Variants in SETD1B observed in about 807,000 individuals in gnomAD.
The protein encoded by SETD1B is SET domain containing 1B, histone lysine methyltransferase.
SETD1B carries 7 observed loss-of-function variants against 148.0 expected under a neutral mutation model. That is an observed-to-expected ratio of 0.05 (90% CI 0.03 to 0.09). The LOEUF is 0.09. Among genes scored for constraint, SETD1B ranks in the 10% least tolerant of loss-of-function variants. The pLI is 1.00. For missense variants in SETD1B, 2,155 were observed against 2,729.9 expected (o/e 0.79, Z 4.69); for synonymous variants, 1,361 against 1,186.5 (o/e 1.15, Z -3.02).
At chr12:121,823,893 G>T (rs1876710760) in intron 12 of SETD1B, 144 bp downstream of exon 12, 45 of 1,249,434 alleles carry the variant, frequency 3.6e-5, no homozygotes, top group Non-Finnish European at 4.8e-5. Context: ...CCCAAGCAGG[G>T]TTTGTGTCCC....
At chr12:121,827,433 CTG>C (rs1262905709) in intron 13 of SETD1B, 84 bp from the exon 14 acceptor site, 4 of 1,437,826 alleles carry the variant, frequency 2.8e-6, no homozygotes, top group Non-Finnish European at 1.8e-6. Context: ...GCCCAGGACA[CTG>C]GGGATGACAG....
At chr12:121,799,621 C>A (rs1875196430), upstream of SETD1B, 1 of 151,768 alleles carries the variant, frequency 6.6e-6, no homozygotes, top group South Asian at 2.1e-4. Context: ...CTATATTCGG[C>A]AGAGACTTAC....
chr12:121,793,761 G>T, the SETD1B span: 1 of 800,262 alleles, frequency 1.2e-6, no homozygotes, highest in Non-Finnish European at 1.8e-6. Flanking sequence ...GCAGCCTCCC[G>T]GCCGACCTCC....
At chr12:121,792,613 G>C in the SETD1B span, among the ~76,000 whole-genome samples, 2 of 152,238 alleles carry the variant, frequency 1.3e-5, no homozygotes, top group Non-Finnish European at 2.9e-5. Context: ...ACTGCAAGCC[G>C]TGGAATCCTG....
At position 121,808,418 on chromosome 12, in the gene SETD1B, A is replaced by ACC; in HGVS notation, c.657+102_657+103dup. ...AACTCTCTTATGGGACCCCCAGCCT[A>ACC]CCCCCACCTCACTCCAGCTTTGGAG... On this transcript the variant is annotated intron_variant, in intron 5 of 16. Transcript: ENST00000604567. This position sits in a 1 kb window ranked among gnomAD's most constrained non-coding sequence, Gnocchi z 5.3. 4.2e-6 allele frequency: 3 copies of ACC among 716,080 alleles called. No individual in the cohort carries two copies. The highest frequency in any genetic ancestry group is 7.1e-6 in the Non-Finnish European group (3 of 422,736). 44.4% of individuals were successfully genotyped at this position (716,080 alleles called of 1,614,324 possible).
In SETD1B at chr12:121,808,150, G is replaced by C. The variant is rs1283111818; in HGVS notation, c.545-58G>C. 2.9e-6 allele frequency: 4 copies of C among 1,382,438 alleles called. No homozygotes were observed. The allele number at this position is 1,382,438 out of a possible 1,614,324, so 85.6% of individuals were successfully genotyped here. A position where few individuals can be genotyped will look rare whatever the true frequency, so the allele number is the denominator to read the frequency against. ...GGGTGCCACACAGGTTGGAATCCTTGTGGGGGCTGCCCCATCCTGGAACCT... is the reference window on the plus strand; with the variant it reads ...GGGTGCCACACAGGTTGGAATCCTTCTGGGGGCTGCCCCATCCTGGAACCT... On this transcript the variant is annotated intron_variant, in intron 4 of 16. Transcript: ENST00000604567. The surrounding 1 kb of genome is among the most constrained non-coding windows in gnomAD (Gnocchi z 5.3).
At chr12:121,790,492 C>T in the SETD1B span, among the ~76,000 whole-genome samples, 203 of 152,348 alleles carry the variant, frequency 1.3e-3, 1 homozygote, top group African/African-American at 4.6e-3. Flanking sequence ...CTCCGGCATT[C>T]GGATCCACTA....
At chr12:121,811,033 A>C (rs1237138202) in intron 6 of SETD1B, among the ~76,000 whole-genome samples, 198 bp downstream of exon 6, 2 of 152,242 alleles carry the variant, frequency 1.3e-5, no homozygotes, top group East Asian at 1.9e-4. Flanking sequence ...TTGGTTTGGC[A>C]ATGAGCTCCC....
chr12:121,826,767 A>G (rs1021584928), intron 13 of SETD1B, among the ~76,000 whole-genome samples: 2 of 151,724 alleles, frequency 1.3e-5, no homozygotes, highest in Non-Finnish European at 2.9e-5. Context: ...GTGGAAGAAT[A>G]TGAGGAAGTG....
At position 121,828,094 on chromosome 12, in the gene SETD1B, C is replaced by T. The variant is rs1051876851; in HGVS notation, c.5727+24C>T. ...ACGTGAGTGCCCAGCGGGGGGTGGC[C>T]CCTGCCCCTGCTCCTGCCCCTGGCC... On this transcript the variant is annotated intron_variant, in intron 16 of 16. Coordinates refer to ENST00000604567, the MANE Select transcript of SETD1B (RefSeq NM_001353345.2). 58 of 1,550,118 alleles carry T rather than the reference C, an allele frequency of 3.7e-5. No individual in the cohort carries two copies. The Admixed American group carries it at 9.8e-4, about 26-fold the overall frequency.
upstream of SETD1B, chr12:121,802,133 G>A (rs1428938878): frequency 6.6e-6 from 1 of 152,088 alleles, no homozygotes; most frequent in African/African-American, 2.4e-5. Flanking sequence ...CAAGCTACGG[G>A]GAAGAAAGCT....
chr12:121,800,564 C>T (rs866231305), upstream of SETD1B: 2 of 151,492 alleles, frequency 1.3e-5, no homozygotes, highest in Non-Finnish European at 2.9e-5. Flanking sequence ...CCGCGCAGGA[C>T]AAAGACGAAA....
chr12:121,824,622 G>A (rs1876750794), intron 12 of SETD1B, among the ~76,000 whole-genome samples: 1 of 152,048 alleles, frequency 6.6e-6, no homozygotes, highest in Non-Finnish European at 1.5e-5. Flanking sequence ...ACTCCAGCCT[G>A]GGTGACAGAA....
intron 11 of SETD1B, 31 bp from the exon 12 acceptor site, chr12:121,822,459 A>C: frequency 6.6e-7 from 1 of 1,504,074 alleles, no homozygotes; most frequent in Non-Finnish European, 8.9e-7. Context: ...ATTGAATAGT[A>C]AATGTCTCGT....
intron 12 of SETD1B, among the ~76,000 whole-genome samples, chr12:121,824,801 T>C (rs1365136294): frequency 6.6e-6 from 1 of 152,016 alleles, no homozygotes; most frequent in Non-Finnish European, 1.5e-5. Context: ...TCACTTGATC[T>C]CTGGAGGTTG....
rs1337305394 is a variant in SETD1B at position 121,814,798 on chromosome 12, G to A, written c.2583G>A (p.Val861=). ...PRQEDPHKAT[V]DGVLLVVLKE... ...AGGAGGACCCACACAAAGCCACGGT[G>A]GATGGCGTCCTGCTGGTGGTCCTCA... Residue 861 remains valine (V), a synonymous_variant, in exon 7 of 17, where the codon GTG becomes GTA. Transcript: ENST00000604567. 3 of 1,551,580 alleles carry A rather than the reference G, an allele frequency of 1.9e-6. No individual in the cohort carries two copies. Among genetic ancestry groups the A allele is most frequent in the Middle Eastern group, 1.7e-4 (1 of 5,992 alleles).
At chr12:121,824,921 T>G (rs1042454257) in intron 12 of SETD1B, among the ~76,000 whole-genome samples, 3 of 144,748 alleles carry the variant, frequency 2.1e-5, no homozygotes, top group African/African-American at 7.8e-5. Flanking sequence ...AGGCTGAGGC[T>G]GCAGTAAGCT....
the SETD1B span, among the ~76,000 whole-genome samples, chr12:121,798,273 G>A: frequency 6.6e-6 from 1 of 152,228 alleles, no homozygotes; most frequent in Non-Finnish European, 1.5e-5. Flanking sequence ...CCCTGTGGAT[G>A]GGGAAAGGCC....
rs1197421386 is a variant in SETD1B at position 121,804,878 on chromosome 12, G to A, written c.141G>A (p.Leu47=). ...CTCTGAAAAAGGGGCATCATAAACT[G>A]TACCGCTACGATGGGCAGCATTTCA... ...DPALKKGHHK[L]YRYDGQHFSL... The change falls in exon 2 of 17, where the codon CTG becomes CTA. Residue 47 remains leucine, a synonymous_variant. Transcript: ENST00000604567. This position sits in a 1 kb window ranked among gnomAD's most constrained non-coding sequence, Gnocchi z 4.6. The A allele has an allele frequency of 5.8e-6, 9 of 1,541,822 alleles. No homozygotes were observed. Among genetic ancestry groups the A allele is most frequent in the African/African-American group, 1.4e-5 (1 of 72,414 alleles).
Sources: allele counts gnomAD v4.1 joint callset (sites outside exome capture counted in the v4.1 genomes callset), GRCh38; gene constraint gnomAD v4.1.1; non-coding constraint Gnocchi (gnomAD v3.1); transcripts MANE v1.5; gene names NCBI Gene and HGNC (gene_info 2026-07-23, HGNC 2026-07-21).